Variants in NIPBL observed in about 807,000 individuals in gnomAD.
NIPBL encodes nipped-B-like protein.
In NIPBL, 19 loss-of-function variants were observed where a neutral mutation model predicts 321.8. The ratio of observed to expected loss-of-function variants is 0.06; its 90% CI spans 0.04 to 0.09. NIPBL has a LOEUF of 0.09. NIPBL is among the 10% of genes least tolerant of loss of function. NIPBL has a pLI of 1.00. For missense variants in NIPBL, 2,210 were observed against 3,327.0 expected (o/e 0.66, Z 8.26); for synonymous variants, 1,106 against 1,114.1 (o/e 0.99, Z 0.14).
chr5:36,943,946 T>A (rs1285005192), intron 1 of NIPBL, among the ~76,000 whole-genome samples: 2 of 152,148 alleles, frequency 1.3e-5, no homozygotes, highest in East Asian at 3.8e-4. Flanking sequence ...AATTGCTAAC[T>A]GTGGCAAGAT....
At chr5:36,967,509 C>G (rs1742336652) in intron 6 of NIPBL, among the ~76,000 whole-genome samples, 1 of 152,002 alleles carries the variant, frequency 6.6e-6, no homozygotes, top group Non-Finnish European at 1.5e-5. Flanking sequence ...AAAACAGCAA[C>G]ACTTTCTTAA....
intron 32 of NIPBL, among the ~76,000 whole-genome samples, chr5:37,030,495 C>CT (rs1350497877): frequency 6.6e-6 from 1 of 152,128 alleles, no homozygotes; most frequent in Non-Finnish European, 1.5e-5. Flanking sequence ...ATTACAAATT[C>CT]TTGAGTCCAG....
At position 37,049,375 on chromosome 5, in the gene NIPBL, G is replaced by C. The variant is rs995273887; in HGVS notation, c.6954+74G>C. The C allele has an allele frequency of 4.7e-6, 7 of 1,478,400 alleles. No homozygotes were observed. In the African/African-American group the frequency reaches 9.7e-5, roughly 20 times the overall value. The allele number at this position is 1,478,400 out of a possible 1,614,324, so 91.6% of individuals were successfully genotyped here. ...TGTAATTTGATACATTGTGATTATA[G>C]AGAATAAGTAGTTCTTCGTTCCTCT... is the stretch of plus-strand genomic sequence containing the variant. On this transcript the variant is annotated intron_variant, in intron 40 of 46. Transcript: ENST00000282516.
In NIPBL at chr5:37,066,376, A is replaced by G. The variant is rs1414690855; in HGVS notation, c.*1484A>G. The G allele has an allele frequency of 6.6e-6, 1 of 152,186 alleles. No individual in the cohort carries two copies. Among genetic ancestry groups the G allele is most frequent in the Admixed American group, 6.5e-5 (1 of 15,286 alleles). The allele number at this position is 152,186 out of a possible 1,614,324, so 9.4% of individuals were successfully genotyped here. A position where few individuals can be genotyped will look rare whatever the true frequency, so the allele number is the denominator to read the frequency against. On this transcript the variant is annotated 3_prime_UTR_variant, in exon 47 of 47. Transcript: ENST00000282516. ...AGGAAGAATGACATTGCCACAAAAT[A>G]CCTTTTTGTGACACCTATTAAACCA... is the stretch of plus-strand genomic sequence containing the variant.
intron 1 of NIPBL, among the ~76,000 whole-genome samples, chr5:36,878,202 C>T (rs745361962): frequency 6.6e-6 from 1 of 152,188 alleles, no homozygotes; most frequent in Admixed American, 6.5e-5. Context: ...AAGGTGCCAT[C>T]CTTTTATGTC....
chr5:36,914,212 GGTAA>G (rs1436863871), intron 1 of NIPBL, among the ~76,000 whole-genome samples: 1 of 152,196 alleles, frequency 6.6e-6, no homozygotes, highest in Non-Finnish European at 1.5e-5. Flanking sequence ...TTACCCTACT[GGTAA>G]GTGTCTGGGA....
chr5:36,937,833 C>A (rs1246383572), intron 1 of NIPBL, among the ~76,000 whole-genome samples: 1 of 152,130 alleles, frequency 6.6e-6, no homozygotes, highest in Non-Finnish European at 1.5e-5. Context: ...ATGTGTGTTT[C>A]TGTGTGCCAT....
chr5:37,022,080 T>C lies in NIPBL; in HGVS notation c.5358T>C (p.Ile1786=). The change falls in exon 28 of 47, where the codon ATT becomes ATC. Residue 1786 remains isoleucine, a synonymous_variant. Coordinates refer to ENST00000282516, the MANE Select transcript of NIPBL (RefSeq NM_133433.4). ...QILRVLGENA[I]AVRTKAMKCL... ...TACGAGTTCTTGGTGAAAATGCAATTGCTGTTCGAACAAAAGCCATGAAGT... is the reference window on the plus strand; with the variant it reads ...TACGAGTTCTTGGTGAAAATGCAATCGCTGTTCGAACAAAAGCCATGAAGT... 6.2e-7 allele frequency: 1 copy of C among 1,614,206 alleles called. No homozygotes were observed. The highest frequency in any genetic ancestry group is 8.5e-7 in the Non-Finnish European group (1 of 1,180,026).
rs183986599 is a variant in NIPBL, at chr5:36,883,770, T to C, written c.-80+6592T>C. On this transcript the variant is annotated intron_variant, in intron 1 of 46. Coordinates refer to ENST00000282516, the MANE Select transcript of NIPBL (RefSeq NM_133433.4). ...TTTGAATCAGATTGTGGGTTGCCAG[T>C]TTTGAGCCAAAGACATCGATCGTCT... 2.0e-5 allele frequency among the ~76,000 whole-genome samples: 3 copies of C among 152,108 alleles called. No individual in the cohort carries two copies. In the East Asian group the frequency reaches 5.8e-4, roughly 29 times the overall value.
rs1742806890 is a variant in NIPBL, at chr5:36,971,144, T to G, written c.771+108T>G. On this transcript the variant is annotated intron_variant, in intron 7 of 46. Coordinates refer to ENST00000282516, the MANE Select transcript of NIPBL (RefSeq NM_133433.4). ...TGATACCTACCGTATATCATTATAC[T>G]GGGTACTGAGTACAACATGGCTCCT... 4.5e-6 allele frequency: 4 copies of G among 892,528 alleles called. No individual in the cohort carries two copies. The Admixed American group carries it at 7.9e-5, about 18-fold the overall frequency. 55.3% of individuals were successfully genotyped at this position (892,528 alleles called of 1,614,324 possible).
intron 1 of NIPBL, among the ~76,000 whole-genome samples, chr5:36,894,244 A>T (rs1746558378): frequency 6.6e-6 from 1 of 152,198 alleles, no homozygotes; most frequent in African/African-American, 2.4e-5. Flanking sequence ...AAAAGTAATC[A>T]AATTAGCTCA....
At chr5:37,057,072 C>G in intron 42 of NIPBL, 114 bp from the exon 43 acceptor site, 1 of 984,896 alleles carries the variant, frequency 1.0e-6, no homozygotes, top group Admixed American at 2.0e-5. Context: ...GTCTGCTTAT[C>G]TCTGTCTAAC....
Position 36,962,728 on chromosome 5 carries a change from G to A in NIPBL, c.610+454G>A, listed in dbSNP as rs566178117. 7.2e-5 allele frequency among the ~76,000 whole-genome samples: 11 copies of A among 152,246 alleles called. No homozygotes were observed. In the East Asian group the frequency reaches 9.6e-4, roughly 13 times the overall value. Reference sequence around the variant, plus strand: ...AAAAAATTGAGTCTGTAGTGAACACGTACAGACATGTTTTCTTGTCGTTAT... The same window carrying A: ...AAAAAATTGAGTCTGTAGTGAACACATACAGACATGTTTTCTTGTCGTTAT... On this transcript the variant is annotated intron_variant, in intron 6 of 46. Coordinates refer to ENST00000282516, the MANE Select transcript of NIPBL (RefSeq NM_133433.4).
intron 46 of NIPBL, 139 bp from the exon 47 acceptor site, chr5:37,064,388 C>T (rs1396883313): frequency 3.8e-5 from 58 of 1,528,282 alleles, no homozygotes; most frequent in South Asian, 1.1e-4. Context: ...GGTCACGGTG[C>T]GTCTCATTGC....
intron 8 of NIPBL, among the ~76,000 whole-genome samples, chr5:36,973,484 T>A (rs988282229): frequency 2.6e-5 from 4 of 152,172 alleles, no homozygotes; most frequent in Non-Finnish European, 5.9e-5. Context: ...TTTCTTTCTT[T>A]TGAGACAGAG....
intron 1 of NIPBL, among the ~76,000 whole-genome samples, chr5:36,889,552 C>G (rs958699922): frequency 5.3e-5 from 8 of 152,104 alleles, no homozygotes; most frequent in African/African-American, 1.9e-4. Flanking sequence ...TGTCTAAAAA[C>G]TAGAATTTAA....
At chr5:36,906,149 A>G (rs1747618711) in intron 1 of NIPBL, among the ~76,000 whole-genome samples, 1 of 152,192 alleles carries the variant, frequency 6.6e-6, no homozygotes, top group Non-Finnish European at 1.5e-5. Flanking sequence ...ATGATAAATC[A>G]GTGGATGAGA....
rs184483309 is a variant in NIPBL, at chr5:37,063,312, A to T, written c.7861-478A>T. Among the ~76,000 whole-genome samples, 38 of 152,356 alleles carry T rather than the reference A, an allele frequency of 2.5e-4. No individual in the cohort carries two copies. The Middle Eastern group carries it at 0.01, about 41-fold the overall frequency. On this transcript the variant is annotated intron_variant, in intron 45 of 46. Transcript: ENST00000282516. ...GACTGCAAACCTTACTCTAAAATTT[A>T]AAAATATTTTAGTTCTTATTTAAAA...
chr5:36,923,539 ATTC>A (rs1749117324), intron 1 of NIPBL, among the ~76,000 whole-genome samples: 1 of 152,296 alleles, frequency 6.6e-6, no homozygotes. Context: ...TTTTATATAC[ATTC>A]TTCTTTCTGT....
Sources: gnomAD v4.1 joint callset for allele counts (sites outside exome capture counted in the v4.1 genomes callset) on GRCh38, gnomAD v4.1.1 for gene constraint, MANE v1.5 for transcripts, NCBI Gene and HGNC (gene_info 2026-07-23, HGNC 2026-07-21) for gene names.